GPC6: variants seen among roughly 807,000 people sequenced by gnomAD.
GPC6 encodes glypican-6.
In GPC6, 14 loss-of-function variants were observed where a neutral mutation model predicts 55.2. The ratio of observed to expected loss-of-function variants is 0.25; its 90% confidence interval spans 0.17 to 0.40. The LOEUF is 0.40. Ranked by LOEUF, GPC6 falls within the 10% of genes least tolerant of loss-of-function variation. GPC6 has a pLI of 1.00. For missense variants in GPC6, 641 were observed against 708.5 expected, an observed-to-expected ratio of 0.90 and a Z score of 1.08; for synonymous variants, 278 against 259.6, an observed-to-expected ratio of 1.07 and a Z score of -0.68.
intron 3 of GPC6, among the ~76,000 whole-genome samples, chr13:93,868,648 C>G (rs1889041126): frequency 6.6e-6 from 1 of 151,732 alleles, no homozygotes; most frequent in African/African-American, 2.4e-5. Context: ...AATCCCTAGG[C>G]AAATATCTGG....
intron 2 of GPC6, among the ~76,000 whole-genome samples, chr13:93,674,424 C>CT (rs1306598876): frequency 3.9e-5 from 6 of 152,102 alleles, no homozygotes; most frequent in African/African-American, 1.4e-4. Flanking sequence ...TTAAACATCA[C>CT]TTTTTTTCTG....
At chr13:93,526,865 C>T (rs1223316713) in intron 1 of GPC6, among the ~76,000 whole-genome samples, 6 of 151,974 alleles carry the variant, frequency 3.9e-5, no homozygotes, top group Non-Finnish European at 8.8e-5. Context: ...TAGGTAAAAG[C>T]AGGGATACAT....
At chr13:93,901,688 G>T (rs1876361640) in intron 3 of GPC6, among the ~76,000 whole-genome samples, 1 of 151,900 alleles carries the variant, frequency 6.6e-6, no homozygotes, top group Non-Finnish European at 1.5e-5. Flanking sequence ...GGATCATGAG[G>T]TCAGCAATTT....
intron 6 of GPC6, among the ~76,000 whole-genome samples, chr13:94,347,923 C>T (rs901687611): frequency 5.9e-5 from 9 of 152,178 alleles, no homozygotes; most frequent in African/African-American, 1.7e-4. Context: ...ACCCGATGTG[C>T]GAGAGGCAGA....
At chr13:94,009,663 A>G (rs983951730) in intron 3 of GPC6, among the ~76,000 whole-genome samples, 1 of 152,170 alleles carries the variant, frequency 6.6e-6, no homozygotes, top group Non-Finnish European at 1.5e-5. Context: ...GTCCTGCTTT[A>G]GGCCATGGCC....
chr13:94,067,370 G>A (rs910313122), intron 4 of GPC6, among the ~76,000 whole-genome samples: 3 of 152,052 alleles, frequency 2.0e-5, no homozygotes, highest in Admixed American at 2.0e-4. Flanking sequence ...AAGAATTGAA[G>A]CTAGAATCCA....
At chr13:93,949,868 G>A (rs115294386) in intron 3 of GPC6, among the ~76,000 whole-genome samples, 5,300 of 151,988 alleles carry the variant, frequency 0.035, 102 homozygotes, top group Middle Eastern at 0.062. Flanking sequence ...CTGGGACTAC[G>A]ACTGCATACC....
chr13:93,803,208 G>A (rs534712858), intron 2 of GPC6, among the ~76,000 whole-genome samples: 1 of 152,106 alleles, frequency 6.6e-6, no homozygotes, highest in South Asian at 2.1e-4. Context: ...TCTTTGATAA[G>A]GGAATTATAT....
At chr13:93,942,837 T>C (rs2140364766) in intron 3 of GPC6, among the ~76,000 whole-genome samples, 1 of 152,286 alleles carries the variant, frequency 6.6e-6, no homozygotes, top group Non-Finnish European at 1.5e-5. Flanking sequence ...ATTAGCAGTA[T>C]AGTGATATAA....
intron 2 of GPC6, among the ~76,000 whole-genome samples, chr13:93,654,077 A>T (rs1298454410): frequency 6.6e-6 from 1 of 152,154 alleles, no homozygotes; most frequent in Non-Finnish European, 1.5e-5. Flanking sequence ...TGTTGAGAAG[A>T]AATAACGGTT....
At chr13:93,667,731 A>G (rs1042822462) in intron 2 of GPC6, among the ~76,000 whole-genome samples, 1 of 95,242 alleles carries the variant, frequency 1.0e-5, no homozygotes, top group Non-Finnish European at 2.1e-5. Context: ...CCCAGCCAGG[A>G]CTTGTTTTTT....
At chr13:94,119,416 G>A (rs2138851226) in intron 4 of GPC6, among the ~76,000 whole-genome samples, 1 of 152,146 alleles carries the variant, frequency 6.6e-6, no homozygotes, top group Admixed American at 6.6e-5. Flanking sequence ...TCACTGACAA[G>A]GTGACCTTTG....
At chr13:93,764,886 G>A (rs1321196737) in intron 2 of GPC6, among the ~76,000 whole-genome samples, 1 of 152,060 alleles carries the variant, frequency 6.6e-6, no homozygotes, top group Non-Finnish European at 1.5e-5. Flanking sequence ...TACAAGCTCC[G>A]CCTCCTGGGT....
chr13:93,866,771 C>T (rs61462500), intron 3 of GPC6, among the ~76,000 whole-genome samples: 5,235 of 151,588 alleles, frequency 0.035, 268 homozygotes, highest in East Asian at 0.17. Flanking sequence ...TAATGGGTAC[C>T]AGGCTAAATA....
At chr13:93,338,915 CAG>C (rs1880137311) in intron 1 of GPC6, among the ~76,000 whole-genome samples, 1 of 152,114 alleles carries the variant, frequency 6.6e-6, no homozygotes, top group South Asian at 2.1e-4. Flanking sequence ...GTTGACAGGG[CAG>C]AGAGAGCAAT....
chr13:93,250,571 CT>C (rs1457152978), intron 1 of GPC6, among the ~76,000 whole-genome samples: 1 of 152,292 alleles, frequency 6.6e-6, no homozygotes, highest in East Asian at 1.9e-4. Flanking sequence ...TGACAAGCCT[CT>C]GGTTTGCAAC....
chr13:93,258,904 T>A (rs915259631), intron 1 of GPC6, among the ~76,000 whole-genome samples: 1 of 152,104 alleles, frequency 6.6e-6, no homozygotes, highest in African/African-American at 2.4e-5. Context: ...GAGCTTTGAT[T>A]GTACCAGTGC....
intron 4 of GPC6, among the ~76,000 whole-genome samples, chr13:94,152,104 A>T (rs921953726): frequency 6.6e-6 from 1 of 152,174 alleles, no homozygotes; most frequent in South Asian, 2.1e-4. Flanking sequence ...AATTTGAATA[A>T]TGCAGGTATT....
At chr13:94,390,418 G>A (rs1161927931) in intron 7 of GPC6, among the ~76,000 whole-genome samples, 2 of 152,140 alleles carry the variant, frequency 1.3e-5, no homozygotes, top group African/African-American at 2.4e-5. Context: ...AAGAAAAGAG[G>A]TTTAATTGTC....
Sources: allele counts gnomAD v4.1 joint callset (sites outside exome capture counted in the v4.1 genomes callset), GRCh38; gene constraint gnomAD v4.1.1; transcripts MANE v1.5; gene names NCBI Gene and HGNC (gene_info 2026-07-23, HGNC 2026-07-21).